SLC14A2: variants seen among roughly 807,000 people sequenced by gnomAD.
The protein encoded by SLC14A2 is solute carrier family 14 member 2, also known as urea transporter 2.
Under a neutral mutation model 104.6 loss-of-function variants are expected in SLC14A2, and 91 were observed. That is an observed-to-expected ratio of 0.87 (90% CI 0.73 to 1.04). The LOEUF (loss-of-function observed/expected upper bound fraction) is 1.04, where lower values mean the gene tolerates loss of function less well. Ranked by LOEUF, SLC14A2 falls within the 50% of genes least tolerant of loss-of-function variation. The pLI is 0.00. For missense variants in SLC14A2, 1,189 were observed against 1,156.0 expected (o/e 1.03, Z -0.41); for synonymous variants, 476 against 466.4 (o/e 1.02, Z -0.27).
intron 1 of SLC14A2, among the ~76,000 whole-genome samples, chr18:45,363,964 A>G (rs137994524): frequency 1.0e-3 from 158 of 152,304 alleles, no homozygotes; most frequent in African/African-American, 3.5e-3. Flanking sequence ...CTCCTTCAGC[A>G]TTACAATGCA....
chr18:45,654,684 T>C (rs1472269840), intron 10 of SLC14A2, among the ~76,000 whole-genome samples: 1 of 152,144 alleles, frequency 6.6e-6, no homozygotes, highest in Non-Finnish European at 1.5e-5. Context: ...AAACCACGGC[T>C]TGTACAGAGA....
chr18:45,290,901 A>G (rs2084863271), intron 1 of SLC14A2, among the ~76,000 whole-genome samples: 1 of 152,152 alleles, frequency 6.6e-6, no homozygotes, highest in Non-Finnish European at 1.5e-5. Context: ...AATTTGGAAA[A>G]TTAGGGGCAT....
At chr18:45,462,690 G>A (rs189213055) in intron 1 of SLC14A2, among the ~76,000 whole-genome samples, 7 of 152,236 alleles carry the variant, frequency 4.6e-5, no homozygotes, top group African/African-American at 4.8e-5. Flanking sequence ...AGATGGAGCA[G>A]CTTTGGAAAC....
chr18:45,172,579 G>A, the SLC14A2 span, among the ~76,000 whole-genome samples: 1 of 152,062 alleles, frequency 6.6e-6, no homozygotes, highest in Non-Finnish European at 1.5e-5. Context: ...GTATAGCACT[G>A]TCATTGCCTC....
At chr18:45,327,655 C>T (rs2085249451) in intron 1 of SLC14A2, among the ~76,000 whole-genome samples, 1 of 138,740 alleles carries the variant, frequency 7.2e-6, no homozygotes, top group African/African-American at 3.0e-5. Flanking sequence ...TTGTGTCTGG[C>T]TTCTTTCACA....
intron 2 of SLC14A2, among the ~76,000 whole-genome samples, chr18:45,586,808 C>T (rs866122561): frequency 6.6e-6 from 1 of 152,072 alleles, no homozygotes; most frequent in Non-Finnish European, 1.5e-5. Flanking sequence ...ACAGACCACA[C>T]CCTTCCCAAG....
At chr18:45,210,201 G>A (rs2083950562), upstream of SLC14A2, among the ~76,000 whole-genome samples, 2 of 152,148 alleles carry the variant, frequency 1.3e-5, no homozygotes, top group African/African-American at 4.8e-5. Flanking sequence ...ATTGAAGTTG[G>A]TATCACTTTC....
At chr18:45,470,142 T>A (rs1299238827) in intron 1 of SLC14A2, among the ~76,000 whole-genome samples, 2 of 152,236 alleles carry the variant, frequency 1.3e-5, no homozygotes, top group African/African-American at 4.8e-5. Context: ...CTATGTTTTT[T>A]TGGTGCATAA....
chr18:45,200,756 T>A, the SLC14A2 span, among the ~76,000 whole-genome samples: 19 of 152,308 alleles, frequency 1.2e-4, no homozygotes, highest in South Asian at 2.1e-4. Context: ...TTTCTTTTTT[T>A]AAAAAGAAAC....
chr18:45,214,930 A>G (rs1031454177), intron 1 of SLC14A2, among the ~76,000 whole-genome samples: 15 of 151,050 alleles, frequency 9.9e-5, no homozygotes, highest in East Asian at 7.7e-4. Flanking sequence ...AAAAAAAAAA[A>G]AAAAAGAAAA....
At chr18:45,238,337 CTATT>C (rs1312714393) in intron 1 of SLC14A2, among the ~76,000 whole-genome samples, 1 of 152,198 alleles carries the variant, frequency 6.6e-6, no homozygotes, top group African/African-American at 2.4e-5. Context: ...AGGGCAGACT[CTATT>C]TAAGAAACAG....
chr18:45,384,492 A>G (rs1205784294), intron 1 of SLC14A2, among the ~76,000 whole-genome samples: 1 of 152,076 alleles, frequency 6.6e-6, no homozygotes, highest in African/African-American at 2.4e-5. Context: ...ATATTTCTCA[A>G]TTTCTTAGGG....
intron 1 of SLC14A2, among the ~76,000 whole-genome samples, chr18:45,386,274 A>G (rs1024668148): frequency 1.4e-4 from 22 of 152,138 alleles, no homozygotes; most frequent in Non-Finnish European, 2.8e-4. Flanking sequence ...TGAAGGGTCA[A>G]ATGTCTCATG....
chr18:45,642,164 T>C (rs910482213), intron 8 of SLC14A2, among the ~76,000 whole-genome samples: 14 of 152,196 alleles, frequency 9.2e-5, no homozygotes, highest in Admixed American at 9.2e-4. Flanking sequence ...AGGACATTAA[T>C]AAATAAAACT....
chr18:45,489,827 T>C (rs2087687200), intron 2 of SLC14A2: 1 of 152,216 alleles, frequency 6.6e-6, no homozygotes, highest in African/African-American at 2.4e-5. Context: ...TCAGATCACA[T>C]AGAGATTATT....
chr18:45,330,885 C>T (rs762459614), intron 1 of SLC14A2, among the ~76,000 whole-genome samples: 2 of 152,200 alleles, frequency 1.3e-5, no homozygotes, highest in Non-Finnish European at 1.5e-5. Context: ...ATAATCTCTG[C>T]CTTCTTGAAT....
At chr18:45,432,456 T>C (rs951919200) in intron 1 of SLC14A2, among the ~76,000 whole-genome samples, 13 of 152,160 alleles carry the variant, frequency 8.5e-5, no homozygotes, top group Admixed American at 3.3e-4. Context: ...TTGCCCATGA[T>C]ACACAAATTG....
chr18:45,274,114 A>C (rs1480147604), intron 1 of SLC14A2, among the ~76,000 whole-genome samples: 1 of 152,064 alleles, frequency 6.6e-6, no homozygotes, highest in Non-Finnish European at 1.5e-5. Context: ...AGCACAACCT[A>C]ACTTGACCAA....
intron 10 of SLC14A2, among the ~76,000 whole-genome samples, chr18:45,656,091 A>G (rs139472505): frequency 6.6e-6 from 1 of 152,348 alleles, no homozygotes; most frequent in East Asian, 1.9e-4. Flanking sequence ...GAATGTATGT[A>G]TTGAATACTT....
Sources: allele counts gnomAD v4.1 joint callset (sites outside exome capture counted in the v4.1 genomes callset), GRCh38; gene constraint gnomAD v4.1.1; transcripts MANE v1.5; gene names NCBI Gene and HGNC (gene_info 2026-07-23, HGNC 2026-07-21).